SOX6: variants seen among roughly 807,000 people sequenced by gnomAD.
SOX6 encodes transcription factor SOX-6.
In SOX6, 11 loss-of-function variants were observed where a neutral mutation model predicts 97.8. The observed-to-expected ratio is 0.11, with a 90% CI of 0.07 to 0.19. The LOEUF (loss-of-function observed/expected upper bound fraction) is 0.19, where lower values mean the gene tolerates loss of function less well. Ranked by LOEUF, SOX6 falls within the 10% of genes least tolerant of loss-of-function variation. SOX6 has a pLI of 1.00. For missense variants in SOX6, 810 were observed against 1,039.5 expected (o/e 0.78, Z 3.04); for synonymous variants, 360 against 371.4 (o/e 0.97, Z 0.35).
At chr11:16,375,518 G>A (rs941395660) in intron 1 of SOX6, among the ~76,000 whole-genome samples, 1 of 151,714 alleles carries the variant, frequency 6.6e-6, no homozygotes, top group Non-Finnish European at 1.5e-5. Context: ...AAAAAAAAGA[G>A]AAGAAATTGT....
At chr11:16,376,919 A>C (rs1436881297) in intron 1 of SOX6, among the ~76,000 whole-genome samples, 1 of 152,010 alleles carries the variant, frequency 6.6e-6, no homozygotes, top group East Asian at 1.9e-4. Context: ...GAATATATGA[A>C]GTAGAAGAGA....
chr11:15,972,858 G>A lies in SOX6; in HGVS notation c.2438C>T (p.Ser813Leu). ...MYDDYEDDPK[S>L]DYSSENEAPE... ...GGCTTCATTTTCACTGCTATAGTCT[G>A]ATTTGGGGTCATCTTCATAGTCATC... Residue 813 changes from serine (S) to leucine (L), a missense_variant, in exon 16 of 16, where the codon TCA becomes TTA. Physicochemically the swap from Ser to Leu is moderately radical, Grantham distance 145. This residue lies in a region of SOX6 where 122 missense variants were observed against 153.4 expected (regional missense o/e 0.80). Transcript: ENST00000683767. 2 of 1,614,220 alleles carry A rather than the reference G, an allele frequency of 1.2e-6. No homozygotes were observed. Among genetic ancestry groups the A allele is most frequent in the Non-Finnish European group, 1.7e-6 (2 of 1,180,032 alleles).
chr11:15,988,009 T>G (rs917189973), intron 14 of SOX6, among the ~76,000 whole-genome samples: 5 of 152,218 alleles, frequency 3.3e-5, no homozygotes, highest in Admixed American at 6.5e-5. Context: ...AACATGTGTA[T>G]CTGTGCATGT....
At chr11:16,395,004 T>A (rs1858306369) in intron 1 of SOX6, among the ~76,000 whole-genome samples, 1 of 151,880 alleles carries the variant, frequency 6.6e-6, no homozygotes, top group African/African-American at 2.4e-5. Flanking sequence ...CGCACCCCAA[T>A]CTTAGAGCAT....
intron 1 of SOX6, among the ~76,000 whole-genome samples, chr11:16,471,243 A>T (rs942184015): frequency 1.3e-5 from 2 of 152,192 alleles, no homozygotes; most frequent in African/African-American, 4.8e-5. Context: ...AGGAAAAGAA[A>T]AAAAGGAAGT....
chr11:16,072,498 A>G (rs542993927), intron 9 of SOX6, among the ~76,000 whole-genome samples: 1 of 152,358 alleles, frequency 6.6e-6, no homozygotes, highest in African/African-American at 2.4e-5. Context: ...AGAGGAATAG[A>G]AGGCAAGCAA....
chr11:16,070,355 C>A (rs1590175398), intron 9 of SOX6, among the ~76,000 whole-genome samples: 1 of 151,866 alleles, frequency 6.6e-6, no homozygotes, highest in East Asian at 2.0e-4. Flanking sequence ...GACCAAAGGT[C>A]CTACCCTTAC....
At chr11:16,361,002 CAAA>C (rs763865872), upstream of SOX6, among the ~76,000 whole-genome samples, 1 of 136,784 alleles carries the variant, frequency 7.3e-6, no homozygotes, top group South Asian at 2.4e-4. Context: ...GACTCCATCT[CAAA>C]AAAAAAAAAG....
At chr11:16,434,314 T>G (rs1422494868) in intron 1 of SOX6, 1 of 152,078 alleles carries the variant, frequency 6.6e-6, no homozygotes, top group Non-Finnish European at 1.5e-5. Flanking sequence ...TGGAATGTCC[T>G]TTTTTACCCT....
chr11:16,101,304 T>C (rs1848941524), intron 7 of SOX6, among the ~76,000 whole-genome samples: 1 of 151,622 alleles, frequency 6.6e-6, no homozygotes, highest in African/African-American at 2.4e-5. Context: ...TAGCAGGTAA[T>C]AGGTGACACA....
intron 6 of SOX6, among the ~76,000 whole-genome samples, chr11:16,136,739 A>G (rs1322658805): frequency 3.9e-5 from 6 of 152,148 alleles, no homozygotes; most frequent in Non-Finnish European, 5.9e-5. Flanking sequence ...CCCAGCCAAC[A>G]TAACTTTTAT....
intron 6 of SOX6, among the ~76,000 whole-genome samples, chr11:16,116,674 GTT>G (rs1849354373): frequency 6.6e-6 from 1 of 152,136 alleles, no homozygotes; most frequent in Non-Finnish European, 1.5e-5. Flanking sequence ...CTTATTCATA[GTT>G]ACCTAGTGCA....
At chr11:16,654,057 C>T (rs533088295) in intron 3 of SOX6, among the ~76,000 whole-genome samples, 78 of 152,202 alleles carry the variant, frequency 5.1e-4, no homozygotes, top group African/African-American at 1.8e-3. Flanking sequence ...ACTCTGAGTT[C>T]ATCTTTCTTC....
Position 16,097,694 on chromosome 11 carries a change from G to A in SOX6, c.899-6C>T, listed in dbSNP as rs757639586. ...CTGTACGGGGTAGTTATCACCTGTCGGAAAGAACAATGCATACAGGTTTAG... is the reference window on the plus strand; with the variant it reads ...CTGTACGGGGTAGTTATCACCTGTCAGAAAGAACAATGCATACAGGTTTAG... On this transcript the variant is annotated splice_polypyrimidine_tract_variant and splice_region_variant and intron_variant, in intron 7 of 15. Transcript: ENST00000683767. 1.1e-4 allele frequency: 181 copies of A among 1,609,726 alleles called. No homozygotes were observed. Among genetic ancestry groups the A allele is most frequent in the Non-Finnish European group, 1.4e-4 (170 of 1,177,020 alleles).
chr11:16,276,793 TTTTA>T (rs1854415835), intron 3 of SOX6, among the ~76,000 whole-genome samples: 1 of 152,174 alleles, frequency 6.6e-6, no homozygotes, highest in Non-Finnish European at 1.5e-5. Flanking sequence ...GAGTATTTTG[TTTTA>T]TTTGTTTTCT....
At chr11:16,368,507 T>A in intron 1 of SOX6, among the ~76,000 whole-genome samples, 1 of 151,976 alleles carries the variant, frequency 6.6e-6, no homozygotes. Context: ...AATAAAAGAA[T>A]TAAAAAATGT....
At chr11:16,449,584 G>A (rs1859681896) in intron 1 of SOX6, among the ~76,000 whole-genome samples, 1 of 152,104 alleles carries the variant, frequency 6.6e-6, no homozygotes, top group African/African-American at 2.4e-5. Context: ...GAGCCACGGC[G>A]CCCGGCCGCC....
chr11:16,193,417 C>T (rs577686871), intron 4 of SOX6, among the ~76,000 whole-genome samples: 1 of 151,886 alleles, frequency 6.6e-6, no homozygotes, highest in African/African-American at 2.4e-5. Context: ...GTTAACATAC[C>T]AAGCCAAATA....
chr11:16,412,842 T>C (rs1165712715), intron 1 of SOX6, among the ~76,000 whole-genome samples: 2 of 152,162 alleles, frequency 1.3e-5, no homozygotes, highest in Non-Finnish European at 1.5e-5. Flanking sequence ...TTCCCAGTAA[T>C]TCCAGGAAAT....
Sources: allele counts gnomAD v4.1 joint callset (sites outside exome capture counted in the v4.1 genomes callset), GRCh38; gene constraint gnomAD v4.1.1; regional missense constraint gnomAD v4.1.1; transcripts MANE v1.5; gene names NCBI Gene and HGNC (gene_info 2026-07-23, HGNC 2026-07-21).